FAM53A: variants seen among roughly 807,000 people sequenced by gnomAD.
FAM53A encodes family with sequence similarity 53 member A, also known as protein FAM53A.
FAM53A carries 28 observed loss-of-function variants against 26.6 expected under a neutral mutation model. That is an observed-to-expected ratio of 1.05 (90% CI 0.78 to 1.45). The LOEUF is 1.45. FAM53A is among the 40% of genes most tolerant of loss of function. The pLI is 0.00. For synonymous variants in FAM53A, 290 were observed against 253.1 expected (o/e 1.15, Z -1.38); for missense variants, 650 against 575.8 (o/e 1.13, Z -1.32).
the FAM53A span, among the ~76,000 whole-genome samples, chr4:1,592,620 C>T: frequency 1.3e-5 from 2 of 152,122 alleles, no homozygotes; most frequent in Non-Finnish European, 2.9e-5. Flanking sequence ...CTGGGCCAAG[C>T]CAGGGTGAGC....
At chr4:1,672,316 GGACCCACAAACCCAGGAACCCATA>G (rs1345050095) in intron 1 of FAM53A, among the ~76,000 whole-genome samples, 1 of 76,424 alleles carries the variant, frequency 1.3e-5, no homozygotes, top group African/African-American at 4.3e-5. Flanking sequence ...ATGAACCCAT[GGACCCACAAACCCAGGAACCCATA>G]GACCCATGGA....
chr4:1,655,012 G>A lies in FAM53A; in HGVS notation c.848C>T (p.Thr283Ile). ...KRRREEDARW[T>I]RPSLDFLKMT... ...TTTCAGGAAGTCCAAGGATGGGCGTGTCCACCTGGCGTCCTCCTCACGCCT... is the reference window on the plus strand; with the variant it reads ...TTTCAGGAAGTCCAAGGATGGGCGTATCCACCTGGCGTCCTCCTCACGCCT... The change falls in exon 4 of 5, where the codon ACA (threonine) becomes ATA (isoleucine). Residue 283 changes from threonine (T) to isoleucine (I), a missense_variant. Coordinates refer to ENST00000308132, the MANE Select transcript of FAM53A (RefSeq NM_001174070.3). The A allele has an allele frequency of 2.6e-6, 4 of 1,550,700 alleles. No homozygotes were observed. The highest frequency in any genetic ancestry group is 1.7e-4 in the Middle Eastern group (1 of 5,822).
intron 1 of FAM53A, among the ~76,000 whole-genome samples, chr4:1,622,497 G>A (rs554949570): frequency 2.2e-4 from 33 of 152,340 alleles, no homozygotes; most frequent in African/African-American, 7.5e-4. Context: ...GGGCACTGCC[G>A]CTGAGGGGCC....
intron 1 of FAM53A, among the ~76,000 whole-genome samples, chr4:1,632,830 A>C (rs1225290691): frequency 6.6e-6 from 1 of 152,274 alleles, no homozygotes; most frequent in Admixed American, 6.5e-5. Context: ...ACCCACCTGC[A>C]AATACCTGTG....
chr4:1,604,852 CCAGTGCTCTGCCCCGCTCCCG>C, the FAM53A span, among the ~76,000 whole-genome samples: 1 of 152,180 alleles, frequency 6.6e-6, no homozygotes, highest in African/African-American at 2.4e-5. Flanking sequence ...GGCGGCTCCC[CCAGTGCTCTGCCCCGCTCCCG>C]CAGTGCTGTC....
At chr4:1,682,861 C>A (rs1715547999) in intron 1 of FAM53A, among the ~76,000 whole-genome samples, 1 of 152,192 alleles carries the variant, frequency 6.6e-6, no homozygotes, top group South Asian at 2.1e-4. Flanking sequence ...GTTCTGTGGT[C>A]CCCACGTGCA....
At chr4:1,606,339 C>A in the FAM53A span, among the ~76,000 whole-genome samples, 1 of 152,056 alleles carries the variant, frequency 6.6e-6, no homozygotes, top group African/African-American at 2.4e-5. Flanking sequence ...GCCACCGCAC[C>A]CGGCCTCCTA....
intron 2 of FAM53A, among the ~76,000 whole-genome samples, chr4:1,665,695 C>A (rs1000865022): frequency 6.6e-6 from 1 of 152,112 alleles, no homozygotes; most frequent in East Asian, 1.9e-4. Context: ...CAGGAGCAGG[C>A]TGTGATGGAA....
chr4:1,643,715 T>C (rs953462849), intron 4 of FAM53A, among the ~76,000 whole-genome samples: 2 of 151,690 alleles, frequency 1.3e-5, no homozygotes, highest in South Asian at 4.2e-4. Context: ...AACAGGTACA[T>C]ACCATCATGC....
chr4:1,592,863 C>A, the FAM53A span, among the ~76,000 whole-genome samples: 6 of 152,154 alleles, frequency 3.9e-5, no homozygotes, highest in Non-Finnish European at 7.4e-5. Context: ...CTGGAGCCCC[C>A]CAGACACGGG....
chr4:1,662,647 C>T (rs1713924738), intron 2 of FAM53A, among the ~76,000 whole-genome samples: 1 of 41,444 alleles, frequency 2.4e-5, no homozygotes, highest in African/African-American at 5.4e-5. Flanking sequence ...AAGGCCCTGT[C>T]TCAAAAAAAA....
chr4:1,616,493 G>C (rs554868360), downstream of FAM53A, among the ~76,000 whole-genome samples: 15 of 152,326 alleles, frequency 9.8e-5, no homozygotes, highest in South Asian at 2.1e-3. Context: ...CTGCACTCCA[G>C]CCTGGGTGTC....
At chr4:1,677,599 T>C (rs1189751209) in intron 1 of FAM53A, among the ~76,000 whole-genome samples, 1 of 152,230 alleles carries the variant, frequency 6.6e-6, no homozygotes, top group Non-Finnish European at 1.5e-5. Context: ...TCCTGGCTTC[T>C]GCTTTCACAC....
chr4:1,578,368 G>A, the FAM53A span, among the ~76,000 whole-genome samples: 1 of 152,148 alleles, frequency 6.6e-6, no homozygotes. Context: ...AGGGGCGGGC[G>A]TGCCAGGCAG....
chr4:1,617,627 G>C (rs1406505714), downstream of FAM53A, among the ~76,000 whole-genome samples: 1 of 152,172 alleles, frequency 6.6e-6, no homozygotes, highest in Non-Finnish European at 1.5e-5. Flanking sequence ...CTTCCTTCCT[G>C]ATGTTCCAAG....
At chr4:1,575,653 G>A in the FAM53A span, among the ~76,000 whole-genome samples, 2 of 152,130 alleles carry the variant, frequency 1.3e-5, no homozygotes, top group Non-Finnish European at 2.9e-5. Flanking sequence ...ATGATACTGA[G>A]TGGCAGAGGA....
chr4:1,649,746 G>A (rs1445881808), intron 4 of FAM53A, among the ~76,000 whole-genome samples: 1 of 152,260 alleles, frequency 6.6e-6, no homozygotes, highest in Non-Finnish European at 1.5e-5. Flanking sequence ...CCACAACCTG[G>A]CTGACTGAGC....
intron 1 of FAM53A, among the ~76,000 whole-genome samples, chr4:1,625,656 C>T (rs1715260340): frequency 7.9e-6 from 1 of 127,312 alleles, no homozygotes; most frequent in African/African-American, 2.9e-5. Context: ...GCCCCACGTC[C>T]CGACCCACGT....
chr4:1,669,283 C>A (rs1714464987), intron 1 of FAM53A, among the ~76,000 whole-genome samples: 1 of 152,230 alleles, frequency 6.6e-6, no homozygotes. Context: ...GACTACCCAC[C>A]CCCTTCTGCT....
Sources: allele counts gnomAD v4.1 joint callset (sites outside exome capture counted in the v4.1 genomes callset), GRCh38; gene constraint gnomAD v4.1.1; transcripts MANE v1.5; gene names NCBI Gene and HGNC (gene_info 2026-07-23, HGNC 2026-07-21).